PDE11A: variants seen among roughly 807,000 people sequenced by gnomAD.
PDE11A encodes phosphodiesterase 11A, also known as dual 3',5'-cyclic-AMP and -GMP phosphodiesterase 11A.
A neutral mutation model predicts 100.5 loss-of-function variants in PDE11A; 100 were observed. That is an observed-to-expected ratio of 1.00 (90% CI 0.85 to 1.18). The LOEUF (loss-of-function observed/expected upper bound fraction) is 1.18, where lower values mean the gene tolerates loss of function less well. Among genes scored for constraint, PDE11A ranks in the 50% most tolerant of loss-of-function variants. PDE11A has a pLI of 0.00. For missense variants in PDE11A, 1,141 were observed against 1,152.6 expected (o/e 0.99, Z 0.15); for synonymous variants, 381 against 420.8 (o/e 0.91, Z 1.16).
chr2:178,038,039 A>T (rs536756202), intron 1 of PDE11A, among the ~76,000 whole-genome samples: 85 of 77,876 alleles, frequency 1.1e-3, no homozygotes, highest in African/African-American at 3.6e-3. Context: ...AAAGTATAAT[A>T]AAAAAAAAAT....
chr2:178,011,560 C>T (rs970744767), intron 2 of PDE11A, among the ~76,000 whole-genome samples: 6 of 152,150 alleles, frequency 3.9e-5, no homozygotes, highest in African/African-American at 1.4e-4. Context: ...TCCCAGCTAC[C>T]ACCTTTCAGC....
chr2:178,069,697 G>GA (rs2087099884), intron 1 of PDE11A, among the ~76,000 whole-genome samples: 1 of 152,162 alleles, frequency 6.6e-6, no homozygotes, highest in East Asian at 1.9e-4. Context: ...ATCAGCTGCT[G>GA]AAAACCTGCT....
intron 9 of PDE11A, among the ~76,000 whole-genome samples, chr2:177,772,843 TAGG>T (rs1257944308): frequency 6.6e-6 from 1 of 152,248 alleles, no homozygotes; most frequent in Non-Finnish European, 1.5e-5. Flanking sequence ...TATTGAGTTG[TAGG>T]AGTTCTTTGT....
At chr2:178,021,669 T>C (rs1342972471) in intron 1 of PDE11A, among the ~76,000 whole-genome samples, 1 of 152,134 alleles carries the variant, frequency 6.6e-6, no homozygotes, top group Non-Finnish European at 1.5e-5. Flanking sequence ...AGGAAACACA[T>C]AGCATTACGG....
chr2:177,680,548 C>T (rs2080847639), intron 16 of PDE11A, among the ~76,000 whole-genome samples: 1 of 151,430 alleles, frequency 6.6e-6, no homozygotes. Context: ...CCCCCACTTC[C>T]CCAGGAAACA....
intron 19 of PDE11A, among the ~76,000 whole-genome samples, chr2:177,637,270 C>T (rs751753337): frequency 6.6e-6 from 1 of 152,132 alleles, no homozygotes; most frequent in Non-Finnish European, 1.5e-5. Flanking sequence ...GGATGTTTAC[C>T]TAAGTCTTTC....
chr2:177,870,092 C>A (rs1212843347), intron 5 of PDE11A, among the ~76,000 whole-genome samples: 1 of 152,136 alleles, frequency 6.6e-6, no homozygotes, highest in Non-Finnish European at 1.5e-5. Context: ...ATTTCTCCTG[C>A]CTTCAGTTGC....
chr2:178,068,440 T>C (rs2087078464), intron 1 of PDE11A, among the ~76,000 whole-genome samples: 1 of 152,118 alleles, frequency 6.6e-6, no homozygotes. Context: ...CTTCAATGCC[T>C]TTCTCTTGCC....
intron 19 of PDE11A, among the ~76,000 whole-genome samples, chr2:177,636,692 C>T (rs2080043474): frequency 6.6e-6 from 1 of 152,172 alleles, no homozygotes; most frequent in Non-Finnish European, 1.5e-5. Context: ...TACCTCAGTA[C>T]TATTGATGTT....
intron 10 of PDE11A, among the ~76,000 whole-genome samples, chr2:177,734,762 C>CACACTGTG (rs1241511451): frequency 3.1e-4 from 47 of 152,286 alleles, no homozygotes; most frequent in African/African-American, 9.9e-4. Context: ...CACACAAGAG[C>CACACTGTG]CTAGCACAGT....
chr2:178,022,238 A>G (rs745870503), intron 1 of PDE11A, among the ~76,000 whole-genome samples: 22 of 152,184 alleles, frequency 1.4e-4, no homozygotes, highest in Non-Finnish European at 2.5e-4. Context: ...AACTGATTCT[A>G]TGCTGATTAA....
At chr2:178,021,077 T>C (rs2086405765) in intron 1 of PDE11A, among the ~76,000 whole-genome samples, 1 of 151,856 alleles carries the variant, frequency 6.6e-6, no homozygotes, top group South Asian at 2.1e-4. Context: ...TTTTCCTACC[T>C]CAGCTTCCTG....
intron 6 of PDE11A, among the ~76,000 whole-genome samples, chr2:177,830,375 G>A (rs1020878126): frequency 1.3e-5 from 2 of 152,032 alleles, no homozygotes; most frequent in African/African-American, 2.4e-5. Context: ...CAAGGTGGGT[G>A]GATCACTTGA....
intron 6 of PDE11A, among the ~76,000 whole-genome samples, chr2:177,821,549 T>C (rs546072551): frequency 6.6e-6 from 1 of 151,978 alleles, no homozygotes; most frequent in Admixed American, 6.6e-5. Context: ...TTAAAGTTTT[T>C]GCAAAGTACT....
intron 5 of PDE11A, among the ~76,000 whole-genome samples, chr2:177,854,271 T>A (rs907274501): frequency 6.6e-6 from 1 of 151,940 alleles, no homozygotes; most frequent in Non-Finnish European, 1.5e-5. Context: ...TGGTCTGAAA[T>A]AAATAGGGGT....
intron 1 of PDE11A, among the ~76,000 whole-genome samples, chr2:178,060,650 A>G (rs760038397): frequency 1.3e-5 from 2 of 152,108 alleles, no homozygotes; most frequent in Non-Finnish European, 2.9e-5. Context: ...GATGCACTCC[A>G]CCATTTCCCT....
At chr2:177,811,233 C>T (rs926731965) in intron 9 of PDE11A, among the ~76,000 whole-genome samples, 1 of 151,958 alleles carries the variant, frequency 6.6e-6, no homozygotes, top group Non-Finnish European at 1.5e-5. Flanking sequence ...AAAATATGAA[C>T]CTACATTAGC....
chr2:177,988,041 T>G (rs2085961361), intron 2 of PDE11A, among the ~76,000 whole-genome samples: 1 of 152,204 alleles, frequency 6.6e-6, no homozygotes, highest in Admixed American at 6.5e-5. Flanking sequence ...CACAAAATCT[T>G]GTGCAGAAGT....
intron 1 of PDE11A, among the ~76,000 whole-genome samples, chr2:178,046,202 A>C (rs1229242479): frequency 2.0e-5 from 3 of 152,076 alleles, no homozygotes; most frequent in African/African-American, 7.2e-5. Context: ...ATTACTATTA[A>C]TTTTTTTGGG....
Sources: allele counts gnomAD v4.1 joint callset (sites outside exome capture counted in the v4.1 genomes callset), GRCh38; gene constraint gnomAD v4.1.1; transcripts MANE v1.5; gene names NCBI Gene and HGNC (gene_info 2026-07-23, HGNC 2026-07-21).